The following LARGE1 variants were observed in gnomAD, a reference collection of about 807,000 sequenced individuals.
The protein encoded by LARGE1 is LARGE xylosyl- and glucuronyltransferase 1.
In LARGE1, 43 loss-of-function variants were observed where a neutral mutation model predicts 87.6. The observed-to-expected ratio is 0.49, with a 90% CI of 0.38 to 0.63. LARGE1 has a LOEUF of 0.63. Ranked by LOEUF, LARGE1 falls within the 30% of genes least tolerant of loss-of-function variation. The pLI, the probability that LARGE1 is intolerant of heterozygous loss-of-function variation, is 0.00. For missense variants in LARGE1, 802 were observed against 1,000.2 expected, an observed-to-expected ratio of 0.80 and a Z score of 2.67; for synonymous variants, 434 against 394.6, an observed-to-expected ratio of 1.10 and a Z score of -1.18.
chr22:33,866,309 A>G (rs1033869330), intron 1 of LARGE1, among the ~76,000 whole-genome samples: 17 of 152,188 alleles, frequency 1.1e-4, no homozygotes, highest in African/African-American at 4.1e-4. Context: ...TTTGCCCAGT[A>G]TGGGAGTCAC....
the LARGE1 span, among the ~76,000 whole-genome samples, chr22:33,073,439 A>G: frequency 1.3e-5 from 2 of 152,162 alleles, no homozygotes; most frequent in African/African-American, 4.8e-5. Context: ...AAGGAGTTTT[A>G]AGCTATGCCG....
At chr22:33,453,266 T>C (rs955246048) in intron 6 of LARGE1, among the ~76,000 whole-genome samples, 2 of 151,834 alleles carry the variant, frequency 1.3e-5, no homozygotes, top group African/African-American at 4.8e-5. Context: ...AATACAAAAA[T>C]TAGCTGGGCA....
chr22:33,297,937 G>A (rs1424153138), intron 12 of LARGE1, among the ~76,000 whole-genome samples: 7 of 136,792 alleles, frequency 5.1e-5, no homozygotes, highest in Admixed American at 3.3e-4. Context: ...CTGAGATCAC[G>A]CCATTGCACT....
chr22:33,893,564 C>T (rs895534604), intron 1 of LARGE1, among the ~76,000 whole-genome samples: 4 of 152,174 alleles, frequency 2.6e-5, no homozygotes, highest in African/African-American at 4.8e-5. Context: ...GTGGAGTTAT[C>T]GGAGAGCCAC....
chr22:33,091,126 A>C, the LARGE1 span, among the ~76,000 whole-genome samples: 4 of 151,900 alleles, frequency 2.6e-5, no homozygotes, highest in African/African-American at 7.3e-5. Context: ...AAGCCGATCA[A>C]CTCCAGTTCC....
chr22:33,547,929 T>C (rs1482147990), intron 6 of LARGE1, among the ~76,000 whole-genome samples: 1 of 151,716 alleles, frequency 6.6e-6, no homozygotes, highest in Non-Finnish European at 1.5e-5. Flanking sequence ...AATCTAAAAC[T>C]GTTGCCATAA....
At chr22:33,739,842 A>G (rs551329010) in intron 2 of LARGE1, among the ~76,000 whole-genome samples, 22 of 152,328 alleles carry the variant, frequency 1.4e-4, no homozygotes, top group African/African-American at 5.3e-4. Flanking sequence ...GCCAAAGATG[A>G]GGGCATGGAA....
chr22:33,558,131 G>A (rs1005669217), intron 6 of LARGE1, among the ~76,000 whole-genome samples: 12 of 152,164 alleles, frequency 7.9e-5, no homozygotes, highest in African/African-American at 2.9e-4. Context: ...TGTCAGGAGT[G>A]AATGTGAGAT....
At chr22:33,231,415 A>G (rs1300997766) in intron 11 of LARGE1, among the ~76,000 whole-genome samples, 2 of 152,244 alleles carry the variant, frequency 1.3e-5, no homozygotes, top group Non-Finnish European at 2.9e-5. Context: ...TAAAATTATG[A>G]CACATTTCAT....
At chr22:33,865,104 A>G (rs2146624727) in intron 1 of LARGE1, among the ~76,000 whole-genome samples, 1 of 152,306 alleles carries the variant, frequency 6.6e-6, no homozygotes, top group African/African-American at 2.4e-5. Context: ...AACAGAATTC[A>G]GTGACCTCTG....
chr22:33,729,167 CA>C (rs2083375604), intron 2 of LARGE1, among the ~76,000 whole-genome samples: 1 of 152,058 alleles, frequency 6.6e-6, no homozygotes, highest in Non-Finnish European at 1.5e-5. Flanking sequence ...AGTTAACTTA[CA>C]ATTAAAACAC....
chr22:33,576,122 A>G lies in LARGE1; in HGVS notation c.616-11103T>C, dbSNP rs1189743956. Among the ~76,000 whole-genome samples, 4 of 152,184 alleles carry G rather than the reference A, an allele frequency of 2.6e-5. No individual in the cohort carries two copies. In the East Asian group the frequency reaches 7.7e-4, roughly 29 times the overall value. Reference sequence around the variant, plus strand: ...CGTAGCCTGATCTTAATAATTTTAGAAGCTGCAATTCTTATTACCGTGCAC... The same window carrying G: ...CGTAGCCTGATCTTAATAATTTTAGGAGCTGCAATTCTTATTACCGTGCAC... On this transcript the variant is annotated intron_variant, in intron 5 of 14. Coordinates refer to ENST00000397394, the MANE Select transcript of LARGE1 (RefSeq NM_133642.5).
chr22:33,355,048 AAT>A (rs1940762543), intron 9 of LARGE1, among the ~76,000 whole-genome samples: 2 of 152,236 alleles, frequency 1.3e-5, no homozygotes, highest in African/African-American at 4.8e-5. Flanking sequence ...CCACAGTAAA[AAT>A]ATGTTTGCAT....
At chr22:33,413,102 G>A (rs1332123815) in intron 7 of LARGE1, among the ~76,000 whole-genome samples, 1 of 152,040 alleles carries the variant, frequency 6.6e-6, no homozygotes, top group African/African-American at 2.4e-5. Context: ...TATAACAAAT[G>A]TGAATATGAG....
chr22:33,432,278 G>C lies in LARGE1; in HGVS notation c.788-13C>G. On this transcript the variant is annotated splice_polypyrimidine_tract_variant and intron_variant, in intron 6 of 14. Coordinates refer to ENST00000397394, the MANE Select transcript of LARGE1 (RefSeq NM_133642.5). ...AGGACTTGCTGACCTGTGAGGTACAGAGAATACAAACATCTTAAAAGGAGA... is the reference window on the plus strand; with the variant it reads ...AGGACTTGCTGACCTGTGAGGTACACAGAATACAAACATCTTAAAAGGAGA... 4 of 1,600,414 alleles carry C rather than the reference G, an allele frequency of 2.5e-6. No individual in the cohort carries two copies. The highest frequency in any genetic ancestry group is 1.3e-5 in the African/African-American group (1 of 74,766).
At position 33,581,328 on chromosome 22, in the gene LARGE1, T is replaced by C. The variant is rs1205600543; in HGVS notation, c.616-16309A>G. On this transcript the variant is annotated intron_variant, in intron 5 of 14. Transcript: ENST00000397394. ...AATTAAGAGACTGTGAAGCATCACG[T>C]ACTGTTCTCAGCAAGAAAATTCACA... Among the ~76,000 whole-genome samples, 13 of 152,334 alleles carry C rather than the reference T, an allele frequency of 8.5e-5. No individual in the cohort carries two copies. The East Asian group carries it at 2.5e-3, about 29-fold the overall frequency.
chr22:33,400,341 T>C lies in LARGE1; in HGVS notation c.893-16037A>G, dbSNP rs112982998. Among the ~76,000 whole-genome samples, 961 of 152,228 alleles carry C rather than the reference T, an allele frequency of 6.3e-3. 14 individuals carry two copies. The highest frequency in any genetic ancestry group is 0.022 in the African/African-American group (913 of 41,544). ...AATAAAATGGAGCACAATGCAATAA[T>C]TGAAGAGCTGGGGTAGATGCAGTAG... is the stretch of plus-strand genomic sequence containing the variant. On this transcript the variant is annotated intron_variant, in intron 7 of 14. Coordinates refer to ENST00000397394, the MANE Select transcript of LARGE1 (RefSeq NM_133642.5).
chr22:33,231,691 G>A lies in LARGE1; in HGVS notation c.1731-64859C>T, dbSNP rs146818891. ...GACTCTCAAAATGTTGAGAAACTAC[G>A]AAGACTAATCCAGGTCTTTTGATTC... On this transcript the variant is annotated intron_variant, in intron 11 of 11. Transcript: ENST00000608642. Among the ~76,000 whole-genome samples the A allele has an allele frequency of 1.5e-3, 229 of 152,212 alleles. 2 individuals carry two copies. The East Asian group carries it at 0.024, about 16-fold the overall frequency.
intron 2 of LARGE1, among the ~76,000 whole-genome samples, chr22:33,656,138 A>G (rs1482403912): frequency 1.3e-5 from 2 of 152,098 alleles, no homozygotes; most frequent in African/African-American, 4.8e-5. Context: ...TACTTGTATT[A>G]GTCAATTTTC....
Sources: allele counts gnomAD v4.1 joint callset (sites outside exome capture counted in the v4.1 genomes callset), GRCh38; gene constraint gnomAD v4.1.1; transcripts MANE v1.5; gene names NCBI Gene and HGNC (gene_info 2026-07-23, HGNC 2026-07-21).